The following KCND2 variants were observed in gnomAD, a reference collection of about 807,000 sequenced individuals.
The protein encoded by KCND2 is potassium voltage-gated channel subfamily D member 2.
KCND2 carries 16 observed loss-of-function variants against 54.4 expected under a neutral mutation model. That is an observed-to-expected ratio of 0.29 (90% CI 0.20 to 0.45). The LOEUF is 0.45. Among genes scored for constraint, KCND2 ranks in the 20% least tolerant of loss-of-function variants. The pLI is 1.00. For synonymous variants in KCND2, 317 were observed against 310.7 expected (o/e 1.02, Z -0.21); for missense variants, 486 against 824.2 (o/e 0.59, Z 5.02).
intron 4 of KCND2, among the ~76,000 whole-genome samples, chr7:120,745,477 A>G (rs1472486053): frequency 6.7e-6 from 1 of 149,612 alleles, no homozygotes; most frequent in African/African-American, 2.5e-5. Context: ...TTTTTTCCTT[A>G]TCATATACCT....
chr7:120,388,975 A>G (rs117372525), intron 1 of KCND2, among the ~76,000 whole-genome samples: 4,096 of 151,498 alleles, frequency 0.027, 88 homozygotes, highest in Non-Finnish European at 0.045. Flanking sequence ...ATGTATAAAT[A>G]TTTTGATGCA....
chr7:120,282,347 T>C (rs954624610), intron 1 of KCND2, among the ~76,000 whole-genome samples: 4 of 152,154 alleles, frequency 2.6e-5, no homozygotes, highest in African/African-American at 9.7e-5. Flanking sequence ...TAGGGAAATA[T>C]TGTCTGTAAA....
chr7:120,610,500 G>A (rs1180001108), intron 1 of KCND2, among the ~76,000 whole-genome samples: 2 of 152,044 alleles, frequency 1.3e-5, no homozygotes, highest in East Asian at 1.9e-4. Context: ...ATGCACATGA[G>A]TTATTTGAGG....
intron 1 of KCND2, among the ~76,000 whole-genome samples, chr7:120,549,017 T>A (rs1261080278): frequency 6.6e-6 from 1 of 152,078 alleles, no homozygotes; most frequent in Non-Finnish European, 1.5e-5. Flanking sequence ...TTTATTGGAC[T>A]TTGGATTCAA....
intron 1 of KCND2, among the ~76,000 whole-genome samples, chr7:120,410,373 G>A (rs1359232887): frequency 6.6e-6 from 1 of 151,602 alleles, no homozygotes; most frequent in African/African-American, 2.4e-5. Context: ...GCTATTATAG[G>A]TTCTTTGGGT....
intron 1 of KCND2, among the ~76,000 whole-genome samples, chr7:120,499,523 A>G (rs551849028): frequency 6.6e-6 from 1 of 152,302 alleles, no homozygotes; most frequent in Non-Finnish European, 1.5e-5. Context: ...CCAAGAACTT[A>G]AAGTCATTTT....
intron 1 of KCND2, among the ~76,000 whole-genome samples, chr7:120,421,859 C>G (rs570853948): frequency 2.9e-4 from 44 of 152,296 alleles, no homozygotes; most frequent in African/African-American, 1.0e-3. Flanking sequence ...GTTGGCCCAC[C>G]TGCTCCCTGA....
intron 1 of KCND2, among the ~76,000 whole-genome samples, chr7:120,597,785 A>C (rs1422583538): frequency 2.0e-5 from 3 of 152,194 alleles, no homozygotes; most frequent in African/African-American, 7.2e-5. Flanking sequence ...ATGCAGAAGA[A>C]GGCTATTTGG....
At chr7:120,458,399 G>T (rs960172917) in intron 1 of KCND2, among the ~76,000 whole-genome samples, 7 of 152,148 alleles carry the variant, frequency 4.6e-5, no homozygotes, top group African/African-American at 1.7e-4. Context: ...AGATGAGAGA[G>T]TTGTCACAAC....
chr7:120,435,155 G>A (rs1025277885), intron 1 of KCND2, among the ~76,000 whole-genome samples: 1 of 151,614 alleles, frequency 6.6e-6, no homozygotes, highest in Non-Finnish European at 1.5e-5. Flanking sequence ...AGGCTTGAGT[G>A]GAGTGCAGTG....
At chr7:120,633,058 C>G (rs905554680) in intron 1 of KCND2, among the ~76,000 whole-genome samples, 7 of 152,160 alleles carry the variant, frequency 4.6e-5, no homozygotes, top group African/African-American at 1.7e-4. Flanking sequence ...CATTGTTAAT[C>G]ACACACGTAA....
chr7:120,675,401 T>C (rs1291322988), intron 1 of KCND2, among the ~76,000 whole-genome samples: 1 of 143,594 alleles, frequency 7.0e-6, no homozygotes, highest in African/African-American at 2.5e-5. Flanking sequence ...ATTTTTTCTC[T>C]TTTTTTTTTT....
chr7:120,595,571 G>GTA (rs1160799733), intron 1 of KCND2, among the ~76,000 whole-genome samples: 1 of 110,966 alleles, frequency 9.0e-6, no homozygotes, highest in Non-Finnish European at 1.8e-5. Context: ...ATATGTGTGT[G>GTA]TATATATATG....
chr7:120,546,786 C>T (rs1010112818), intron 1 of KCND2, among the ~76,000 whole-genome samples: 2 of 151,894 alleles, frequency 1.3e-5, no homozygotes, highest in Non-Finnish European at 2.9e-5. Flanking sequence ...ATGTAAAACA[C>T]AATATAGATT....
chr7:120,566,025 C>T (rs575714634), intron 1 of KCND2, among the ~76,000 whole-genome samples: 1 of 152,222 alleles, frequency 6.6e-6, no homozygotes, highest in African/African-American at 2.4e-5. Context: ...TCAGGGATAG[C>T]TGATGGTTAT....
chr7:120,689,543 G>A (rs891597653), intron 1 of KCND2, among the ~76,000 whole-genome samples: 8 of 152,052 alleles, frequency 5.3e-5, no homozygotes, highest in African/African-American at 1.7e-4. Context: ...CAAACCACTA[G>A]TCATAAAATG....
intron 1 of KCND2, among the ~76,000 whole-genome samples, chr7:120,584,944 A>AT (rs1444992636): frequency 6.6e-6 from 1 of 152,180 alleles, no homozygotes; most frequent in Non-Finnish European, 1.5e-5. Context: ...GGGAAACATG[A>AT]TTTTTTCAGT....
chr7:120,554,495 G>T (rs1228339523), intron 1 of KCND2, among the ~76,000 whole-genome samples: 1 of 151,702 alleles, frequency 6.6e-6, no homozygotes, highest in Non-Finnish European at 1.5e-5. Flanking sequence ...TGCAAGCTCC[G>T]CCTCCCGGGT....
chr7:120,480,119 T>C (rs1802584935), intron 1 of KCND2, among the ~76,000 whole-genome samples: 1 of 151,952 alleles, frequency 6.6e-6, no homozygotes, highest in South Asian at 2.1e-4. Context: ...ATGGTATAGA[T>C]ATAAAAAAGA....
Sources: allele counts gnomAD v4.1 joint callset (sites outside exome capture counted in the v4.1 genomes callset), GRCh38; gene constraint gnomAD v4.1.1; transcripts MANE v1.5; gene names NCBI Gene and HGNC (gene_info 2026-07-23, HGNC 2026-07-21).